The following HELLS variants were observed in gnomAD, a reference collection of about 807,000 sequenced individuals.
HELLS encodes the protein lymphoid-specific helicase.
HELLS carries 32 observed loss-of-function variants against 120.0 expected under a neutral mutation model. The observed-to-expected ratio is 0.27, with a 90% CI of 0.20 to 0.36. The LOEUF is 0.36. Ranked by LOEUF, HELLS falls within the 10% of genes least tolerant of loss-of-function variation. HELLS has a pLI of 1.00. For synonymous variants in HELLS, 341 were observed against 323.4 expected (o/e 1.05, Z -0.58); for missense variants, 650 against 993.4 (o/e 0.65, Z 4.65).
Position 94,574,536 on chromosome 10 carries a change from A to C in HELLS, c.706-18A>C. 1 of 1,572,066 alleles carries C rather than the reference A, an allele frequency of 6.4e-7. No individual in the cohort carries two copies. The highest frequency in any genetic ancestry group is 1.1e-5 in the South Asian group (1 of 89,808). On this transcript the variant is annotated intron_variant, in intron 8 of 21. Transcript: ENST00000348459. ...GTTTATATCCAAGTTTAAATACAGT[A>C]TCTATTATTTTGTCCAGATGCTTTG... is the stretch of plus-strand genomic sequence containing the variant.
intron 3 of HELLS, among the ~76,000 whole-genome samples, chr10:94,556,460 A>AT (rs1240205949): frequency 6.6e-6 from 1 of 152,012 alleles, no homozygotes; most frequent in East Asian, 1.9e-4. Flanking sequence ...TTGGGGTGTA[A>AT]TTGACATACA....
chr10:94,545,993 G>A, intron 1 of HELLS, 41 bp downstream of exon 1: 2 of 1,551,818 alleles, frequency 1.3e-6, no homozygotes, highest in South Asian at 1.2e-5. Flanking sequence ...GGCAGCCTGC[G>A]GGGCTGAGGT....
intron 6 of HELLS, among the ~76,000 whole-genome samples, chr10:94,568,200 G>A (rs1214927896): frequency 2.0e-5 from 3 of 148,056 alleles, no homozygotes; most frequent in South Asian, 4.3e-4. Context: ...GAGCCACCGC[G>A]CCTGGCCCTT....
At position 94,561,883 on chromosome 10, in the gene HELLS, A is replaced by AGT. The variant is rs1589713845; in HGVS notation, c.334-808_334-807insGT. ...TAATGTATGAATTTCATTCACAATG[A>AGT]ATATTCCTTCAATACCCTACCTATT... On this transcript the variant is annotated intron_variant, in intron 4 of 21. Transcript: ENST00000348459. Among the ~76,000 whole-genome samples the AGT allele has an allele frequency of 3.9e-5, 6 of 151,908 alleles. No homozygotes were observed. In the East Asian group the frequency reaches 1.2e-3, roughly 30 times the overall value.
chr10:94,559,225 G>A (rs533754836), intron 4 of HELLS, among the ~76,000 whole-genome samples: 2 of 152,080 alleles, frequency 1.3e-5, no homozygotes, highest in East Asian at 3.9e-4. Context: ...CCTTTTCATG[G>A]TCTTTATTTA....
At chr10:94,605,815 G>T (rs1287444851), downstream of HELLS, among the ~76,000 whole-genome samples, 1 of 151,776 alleles carries the variant, frequency 6.6e-6, no homozygotes, top group Non-Finnish European at 1.5e-5. Flanking sequence ...ATTTTTTGTG[G>T]AGACAGGGTC....
Position 94,594,712 on chromosome 10 carries a change from T to G in HELLS, c.2106T>G (p.Leu702=). The G allele has an allele frequency of 1.2e-6, 2 of 1,608,502 alleles. No individual in the cohort carries two copies. Among genetic ancestry groups the G allele is most frequent in the Non-Finnish European group, 1.7e-6 (2 of 1,178,058 alleles). The change falls in exon 19 of 22, where the codon CTT becomes CTG. Residue 702 remains leucine, a synonymous_variant. Transcript: ENST00000348459. ...ACTTTAAGAACCCCCAGTCGGATCT[T>G]CAGGCCCAGGATAGATGTCATAGAA... The part of the protein sequence containing the change: ...YDSDWNPQSD[L]QAQDRCHRIG...
chr10:94,607,966 C>G (rs1846145537), exon 9 of HELLS: 1 of 411,580 alleles, frequency 2.4e-6, no homozygotes, highest in South Asian at 1.7e-5. Context: ...CTCAGGTGAT[C>G]TGCCCACCTC....
rs955541992 is a variant in HELLS, at chr10:94,557,231, C to T, written c.277-908C>T. ...CAAATTGAGAGAATACAGTAAGTCC[C>T]GGTGTCCCCATCACCCACATTTAAA... On this transcript the variant is annotated intron_variant, in intron 3 of 21. Coordinates refer to ENST00000348459, the MANE Select transcript of HELLS (RefSeq NM_018063.5). 23 of 387,052 alleles carry T rather than the reference C, an allele frequency of 5.9e-5. 1 individual carries two copies. The highest frequency in any genetic ancestry group is 9.5e-5 in the South Asian group (5 of 52,468). The allele number at this position is 387,052 out of a possible 1,614,324, so 24.0% of individuals were successfully genotyped here.
chr10:94,610,254 C>A (rs976109423), exon 10 of HELLS: 6 of 151,960 alleles, frequency 3.9e-5, no homozygotes, highest in African/African-American at 1.5e-4. Flanking sequence ...GCTAGAAAAA[C>A]CAAGCGAATA....
At chr10:94,592,712 T>C (rs767651768) in intron 17 of HELLS, among the ~76,000 whole-genome samples, 198 bp downstream of exon 17, 27 of 151,834 alleles carry the variant, frequency 1.8e-4, no homozygotes, top group Non-Finnish European at 3.4e-4. Flanking sequence ...ATATATCTTC[T>C]GGCACAATCT....
At chr10:94,589,284 G>A (rs1177619351) in intron 13 of HELLS, among the ~76,000 whole-genome samples, 1 of 152,162 alleles carries the variant, frequency 6.6e-6, no homozygotes, top group Non-Finnish European at 1.5e-5. Flanking sequence ...TAAGGACTTG[G>A]CAACTAGACT....
intron 9 of HELLS, among the ~76,000 whole-genome samples, chr10:94,575,773 G>A (rs576636013): frequency 1.4e-4 from 2 of 13,894 alleles, no homozygotes; most frequent in Non-Finnish European, 3.1e-4. Flanking sequence ...GGTTGTGTTT[G>A]TGTGTGTGTG....
At chr10:94,601,422 T>C in intron 21 of HELLS, 106 bp from the exon 22 acceptor site, 2 of 666,856 alleles carry the variant, frequency 3.0e-6, no homozygotes, top group Non-Finnish European at 5.3e-6. Context: ...AGTTTTATAA[T>C]TTTGGACAGA....
chr10:94,566,679 T>G (rs1843814969), intron 6 of HELLS, among the ~76,000 whole-genome samples: 2 of 151,874 alleles, frequency 1.3e-5, no homozygotes, highest in Admixed American at 1.3e-4. Flanking sequence ...AGACAGAGTT[T>G]CACTGTGTGG....
At chr10:94,586,131 A>AT (rs35159449) in intron 12 of HELLS, among the ~76,000 whole-genome samples, 26,491 of 150,888 alleles carry the variant, frequency 0.18, 2,554 homozygotes, top group African/African-American at 0.25. Flanking sequence ...ATTTATTTTT[A>AT]TTTTTTTGAG....
Position 94,581,555 on chromosome 10 carries a change from C to A in HELLS, c.1229+33C>A, listed in dbSNP as rs368713932. 414 of 1,455,968 alleles carry A rather than the reference C, an allele frequency of 2.8e-4. 1 individual carries two copies. Among genetic ancestry groups the A allele is most frequent in the Non-Finnish European group, 1.0e-4 (108 of 1,067,760 alleles). 90.2% of individuals were successfully genotyped at this position (1,455,968 alleles called of 1,614,324 possible). A position where few individuals can be genotyped will look rare whatever the true frequency, so the allele number is the denominator to read the frequency against. On this transcript the variant is annotated intron_variant, in intron 11 of 21. Transcript: ENST00000348459. ...AGCCAGTTATTTAATGATTTAACCT[C>A]AAAAATCTGTGCTGTTAGTTAAAAT...
rs139571125 is a variant in HELLS, at chr10:94,585,943, CAT to C, written c.1327-2280_1327-2279del. Among the ~76,000 whole-genome samples the C allele has an allele frequency of 3.9e-5, 6 of 152,158 alleles. No individual in the cohort carries two copies. The South Asian group carries it at 6.2e-4, about 16-fold the overall frequency. On this transcript the variant is annotated intron_variant, in intron 12 of 21. Coordinates refer to ENST00000348459, the MANE Select transcript of HELLS (RefSeq NM_018063.5). ...TTGAAAGCTTGTATACTAGGAAAAA[CAT>C]ATATAAATACCTTTTTTATACATGT...
At chr10:94,563,055 C>G (rs943060940) in intron 6 of HELLS, among the ~76,000 whole-genome samples, 179 bp downstream of exon 6, 2 of 151,540 alleles carry the variant, frequency 1.3e-5, no homozygotes, top group African/African-American at 4.8e-5. Flanking sequence ...TACCAACCTA[C>G]AGTAGACTTG....
Sources: allele counts gnomAD v4.1 joint callset (sites outside exome capture counted in the v4.1 genomes callset), GRCh38; gene constraint gnomAD v4.1.1; transcripts MANE v1.5; gene names NCBI Gene and HGNC (gene_info 2026-07-23, HGNC 2026-07-21).